The following FMN2 variants were observed in gnomAD, a reference collection of about 807,000 sequenced individuals.
The protein encoded by FMN2 is formin-2.
A neutral mutation model predicts 142.3 loss-of-function variants in FMN2; 51 were observed. That is an observed-to-expected ratio of 0.36 (90% CI 0.29 to 0.45). The LOEUF (loss-of-function observed/expected upper bound fraction) is 0.45. Among genes scored for constraint, FMN2 ranks in the 20% least tolerant of loss-of-function variants. The pLI is 1.00. For synonymous variants in FMN2, 882 were observed against 869.8 expected, an observed-to-expected ratio of 1.01 and a Z score of -0.25; for missense variants, 1,936 against 2,122.8, an observed-to-expected ratio of 0.91 and a Z score of 1.73.
chr1:240,092,516 C>T lies in FMN2; in HGVS notation c.407C>T (p.Ala136Val), dbSNP rs900001389. 10 of 1,608,128 alleles carry T rather than the reference C, an allele frequency of 6.2e-6. No individual in the cohort carries two copies. Among genetic ancestry groups the T allele is most frequent in the Non-Finnish European group, 8.5e-6 (10 of 1,177,560 alleles). Residue 136 changes from alanine to valine, a missense_variant, in exon 1 of 18, where the codon GCG becomes GTG. Physicochemically the swap from Ala to Val is moderately conservative, Grantham distance 64. This residue lies in a region of FMN2 where 751 missense variants were observed against 791.8 expected (regional missense o/e 0.95). Coordinates refer to ENST00000319653, the MANE Select transcript of FMN2 (RefSeq NM_020066.5). Reference protein sequence around the residue: ...DEAGLSDTECADPFEVTGPGG... With the variant: ...DEAGLSDTECVDPFEVTGPGG... ...GCCGGCCTGTCGGATACCGAGTGTG[C>T]GGACCCTTTTGAGGTGACCGGTCCA...
intron 2 of FMN2, among the ~76,000 whole-genome samples, chr1:240,138,713 C>CAA (rs201207670): frequency 1.7e-4 from 25 of 150,652 alleles, no homozygotes; most frequent in African/African-American, 5.9e-4. Flanking sequence ...TCTCAAAAAA[C>CAA]AAAAAAAAAT....
chr1:240,358,409 G>A (rs867647439), intron 14 of FMN2, among the ~76,000 whole-genome samples: 137 of 152,272 alleles, frequency 9.0e-4, no homozygotes, highest in African/African-American at 3.2e-3. Context: ...TCTCAAAGCT[G>A]TTTTCAAGAA....
Position 240,206,896 on chromosome 1 carries a change from G to A in FMN2, c.2084G>A (p.Arg695Lys). 6.2e-7 allele frequency: 1 copy of A among 1,614,168 alleles called. No homozygotes were observed. Among genetic ancestry groups the A allele is most frequent in the Admixed American group, 1.7e-5 (1 of 60,016 alleles). The change falls in exon 5 of 18, where the codon AGG (arginine) becomes AAG (lysine). Residue 695 changes from arginine (R) to lysine (K), a missense_variant. Coordinates refer to ENST00000319653, the MANE Select transcript of FMN2 (RefSeq NM_020066.5). ...AGAACCAAAATAGCTGAACTAGAGA[G>A]GCAGTATCCTGCCCTGGACACAGAG... is the stretch of plus-strand genomic sequence containing the variant. Reference protein sequence around the residue: ...DLRTKIAELERQYPALDTEVA... With the variant: ...DLRTKIAELEKQYPALDTEVA...
At chr1:240,313,969 C>T (rs905020744) in intron 8 of FMN2, among the ~76,000 whole-genome samples, 1 of 151,892 alleles carries the variant, frequency 6.6e-6, no homozygotes, top group African/African-American at 2.4e-5. Context: ...GAGCAAGACT[C>T]TGTCTCAGAA....
intron 8 of FMN2, among the ~76,000 whole-genome samples, chr1:240,314,780 C>G (rs960190605): frequency 6.6e-6 from 1 of 152,068 alleles, no homozygotes; most frequent in Non-Finnish European, 1.5e-5. Context: ...ATTGCACATC[C>G]TTGTGTGTGG....
Position 240,194,236 on chromosome 1 carries a change from G to A in FMN2, c.1986+5974G>A, listed in dbSNP as rs544392163. Among the ~76,000 whole-genome samples, 4 of 152,272 alleles carry A rather than the reference G, an allele frequency of 2.6e-5. No individual in the cohort carries two copies. The South Asian group carries it at 8.3e-4, about 32-fold the overall frequency. ...CAGTCTAGGGTGCATTTCAGGAGTG[G>A]TAGAACATTTGCTTATATTCATACC... On this transcript the variant is annotated intron_variant, in intron 4 of 17. Transcript: ENST00000319653.
chr1:240,305,123 C>T (rs749966475), intron 8 of FMN2, among the ~76,000 whole-genome samples: 6 of 152,106 alleles, frequency 3.9e-5, no homozygotes, highest in Admixed American at 2.6e-4. Flanking sequence ...TTTCTAAAGA[C>T]GTTGTCTGAT....
At chr1:240,407,551 G>A (rs977110077) in intron 15 of FMN2, among the ~76,000 whole-genome samples, 2 of 152,326 alleles carry the variant, frequency 1.3e-5, no homozygotes, top group Non-Finnish European at 2.9e-5. Context: ...GAGATAGCAA[G>A]ATCTATAGGA....
At chr1:240,206,735 T>C in intron 4 of FMN2, 64 bp from the exon 5 acceptor site, 1 of 1,530,100 alleles carries the variant, frequency 6.5e-7, no homozygotes, top group Non-Finnish European at 8.8e-7. Context: ...TTTTGCTTAA[T>C]TTTTTGCTAT....
chr1:240,148,355 GAGAGAC>G (rs765722857), intron 2 of FMN2, among the ~76,000 whole-genome samples: 1 of 137,324 alleles, frequency 7.3e-6, no homozygotes, highest in African/African-American at 3.0e-5. Flanking sequence ...GAGAAAGACA[GAGAGAC>G]AGAGACAGAG....
chr1:240,262,822 G>C (rs574215212), intron 7 of FMN2, among the ~76,000 whole-genome samples: 1 of 145,676 alleles, frequency 6.9e-6, no homozygotes, highest in Non-Finnish European at 1.5e-5. Context: ...GTTCAGTGGC[G>C]CAATCTCAGC....
At chr1:240,188,891 A>G (rs556402286) in intron 4 of FMN2, among the ~76,000 whole-genome samples, 3 of 152,298 alleles carry the variant, frequency 2.0e-5, no homozygotes, top group African/African-American at 7.2e-5. Context: ...TGTGGATGGC[A>G]GAAGGCAAAA....
chr1:240,385,983 A>G (rs1673394232), intron 14 of FMN2, among the ~76,000 whole-genome samples: 1 of 152,192 alleles, frequency 6.6e-6, no homozygotes, highest in African/African-American at 2.4e-5. Flanking sequence ...TTATGCCTCA[A>G]ATGCTCTCTT....
chr1:240,429,672 G>A (rs1007127242), intron 15 of FMN2, among the ~76,000 whole-genome samples: 3 of 152,106 alleles, frequency 2.0e-5, no homozygotes, highest in East Asian at 3.9e-4. Context: ...ATCATATGGC[G>A]TGTATAATTT....
chr1:240,343,600 G>T (rs1671811327), intron 13 of FMN2, among the ~76,000 whole-genome samples: 1 of 152,188 alleles, frequency 6.6e-6, no homozygotes. Context: ...TAATTGGTTA[G>T]AACAGGCTTG....
intron 2 of FMN2, among the ~76,000 whole-genome samples, chr1:240,141,833 G>A (rs1571974802): frequency 6.6e-6 from 1 of 152,238 alleles, no homozygotes; most frequent in African/African-American, 2.4e-5. Context: ...TATGTGGCAC[G>A]TTGGACAGGG....
chr1:240,371,135 T>G (rs1672851728), intron 14 of FMN2, among the ~76,000 whole-genome samples: 1 of 152,072 alleles, frequency 6.6e-6, no homozygotes. Context: ...TTTTGGTTTT[T>G]TTTTGGTAGA....
At chr1:240,341,654 C>G (rs1320404776) in intron 13 of FMN2, among the ~76,000 whole-genome samples, 1 of 152,190 alleles carries the variant, frequency 6.6e-6, no homozygotes, top group Non-Finnish European at 1.5e-5. Flanking sequence ...GAATGTGTCC[C>G]TCCCTGACTC....
intron 4 of FMN2, among the ~76,000 whole-genome samples, chr1:240,201,323 A>C (rs1666113106): frequency 6.6e-6 from 1 of 152,248 alleles, no homozygotes; most frequent in Admixed American, 6.5e-5. Flanking sequence ...TGCAGCATAA[A>C]GTGAACTTGT....
Sources: allele counts gnomAD v4.1 joint callset (sites outside exome capture counted in the v4.1 genomes callset), GRCh38; gene constraint gnomAD v4.1.1; regional missense constraint gnomAD v4.1.1; transcripts MANE v1.5; gene names NCBI Gene and HGNC (gene_info 2026-07-23, HGNC 2026-07-21).